Variants in ZYG11B observed in about 807,000 individuals in gnomAD.
ZYG11B encodes protein zyg-11 homolog B.
Under a neutral mutation model 82.4 loss-of-function variants are expected in ZYG11B, and 36 were observed. That is an observed-to-expected ratio of 0.44 (90% confidence interval 0.33 to 0.58). The LOEUF is 0.58. ZYG11B is among the 20% of genes least tolerant of loss of function. The pLI is 0.02. For synonymous variants in ZYG11B, 303 were observed against 312.8 expected (o/e 0.97, Z 0.33); for missense variants, 552 against 895.6 (o/e 0.62, Z 4.90).
rs4287124 is a variant in ZYG11B, at chr1:52,771,523, C to G, written c.700C>G (p.Arg234Gly). ...AACTACCCAGATACTGGATGTAGTT[C>G]GGGAACTCAAACATCTGAATCATCT... ...MTTTQILDVVRELKHLNHLDI... is the reference protein window; with the variant it reads ...MTTTQILDVVGELKHLNHLDI... Residue 234 changes from arginine to glycine, a missense_variant, in exon 3 of 14, where the codon CGG becomes GGG. By Grantham distance (125) the Arg-to-Gly change is moderately radical (BLOSUM62 -2). Transcript: ENST00000294353. This position sits in a 1 kb window ranked among gnomAD's most constrained non-coding sequence, Gnocchi z 5.4. The G allele has an allele frequency of 1.9e-6, 3 of 1,613,780 alleles. No individual in the cohort carries two copies. Among genetic ancestry groups the G allele is most frequent in the Non-Finnish European group, 2.5e-6 (3 of 1,179,968 alleles).
chr1:52,790,792 T>TTTTG (rs1324194119), intron 6 of ZYG11B, among the ~76,000 whole-genome samples: 1 of 147,904 alleles, frequency 6.8e-6, no homozygotes, highest in East Asian at 1.9e-4. Flanking sequence ...TTTTTTTTTT[T>TTTTG]GTAACATGTC....
At chr1:52,732,358 T>C (rs1342771828) in intron 1 of ZYG11B, among the ~76,000 whole-genome samples, 3 of 152,334 alleles carry the variant, frequency 2.0e-5, no homozygotes, top group South Asian at 2.1e-4. Context: ...TCCTTCTTGC[T>C]TAAAAGAAAA....
rs1319095334 is a variant in ZYG11B, at chr1:52,803,209, CACATAT to C, written c.1695+1072_1695+1077del. Among the ~76,000 whole-genome samples, 5 of 74,312 alleles carry C rather than the reference CACATAT, an allele frequency of 6.7e-5. 2 individuals carry two copies. Among genetic ancestry groups the C allele is most frequent in the East Asian group, 1.3e-3 (2 of 1,598 alleles). The allele number at this position is 74,312 out of a possible 152,430, so 48.8% of individuals were successfully genotyped here. A position where few individuals can be genotyped will look rare whatever the true frequency, so the allele number is the denominator to read the frequency against. On this transcript the variant is annotated intron_variant, in intron 10 of 13. Coordinates refer to ENST00000294353, the MANE Select transcript of ZYG11B (RefSeq NM_024646.3). The stretch of plus-strand genomic sequence containing the variant: ...ATATACACATATATATATATACACA[CACATAT>C]ATATATATACACACATATATATATA...
In ZYG11B at chr1:52,771,375, A is replaced by G. The variant is rs776714498; in HGVS notation, c.552A>G (p.Ser184=). The G allele has an allele frequency of 1.1e-5, 18 of 1,614,228 alleles. No homozygotes were observed. The highest frequency in any genetic ancestry group is 4.4e-5 in the South Asian group (4 of 91,086). ...ATGAAGACCTGGCTGAAGTTGCCTC[A>G]TTGCCAAGATTAGAGAGCTTGGATA... ...FYNEDLAEVA[S]LPRLESLDIS... The change falls in exon 3 of 14, where the codon TCA becomes TCG. Residue 184 remains serine, a synonymous_variant. Transcript: ENST00000294353. The surrounding 1 kb of genome is among the most constrained non-coding windows in gnomAD (Gnocchi z 5.4).
chr1:52,788,598 G>A (rs1054940827), intron 5 of ZYG11B, among the ~76,000 whole-genome samples: 2 of 152,132 alleles, frequency 1.3e-5, no homozygotes, highest in Non-Finnish European at 2.9e-5. Flanking sequence ...GTGCACTGTG[G>A]CTTGCCTTTA....
chr1:52,775,074 C>T (rs947479206), intron 3 of ZYG11B, among the ~76,000 whole-genome samples: 4 of 150,806 alleles, frequency 2.7e-5, no homozygotes, highest in Non-Finnish European at 5.9e-5. Flanking sequence ...TCCAGGATAT[C>T]ATACTTGTCT....
chr1:52,814,838 A>AT (rs1291009422), intron 12 of ZYG11B, among the ~76,000 whole-genome samples: 2 of 152,324 alleles, frequency 1.3e-5, no homozygotes, highest in East Asian at 3.9e-4. Flanking sequence ...CTAAAATAAA[A>AT]TGACACATTG....
intron 13 of ZYG11B, among the ~76,000 whole-genome samples, chr1:52,818,639 G>T (rs1023004530): frequency 2.0e-5 from 3 of 152,032 alleles, no homozygotes; most frequent in South Asian, 2.1e-4. Flanking sequence ...GGAGGGGAGA[G>T]AATTTTTTAT....
chr1:52,826,979 A>G lies in ZYG11B; in HGVS notation c.*5350A>G, dbSNP rs41301269. ...AGCATTGTTTTTCCTTAAAAACTTTATACTCTCAGATAATCTGCAACAACA... is the reference window on the plus strand; with the variant it reads ...AGCATTGTTTTTCCTTAAAAACTTTGTACTCTCAGATAATCTGCAACAACA... On this transcript the variant is annotated 3_prime_UTR_variant, in exon 14 of 14. Transcript: ENST00000294353. 6.6e-6 allele frequency: 1 copy of G among 151,876 alleles called. No homozygotes were observed. The highest frequency in any genetic ancestry group is 2.4e-5 in the African/African-American group (1 of 41,148). 9.4% of individuals were successfully genotyped at this position (151,876 alleles called of 1,614,324 possible).
At chr1:52,772,636 G>T in intron 3 of ZYG11B, 1 of 953,880 alleles carries the variant, frequency 1.0e-6, no homozygotes, top group Non-Finnish European at 1.7e-6. Flanking sequence ...TCAGGAGCAC[G>T]CATACGACCC....
intron 6 of ZYG11B, among the ~76,000 whole-genome samples, chr1:52,794,253 C>T (rs533927369): frequency 1.6e-4 from 25 of 152,076 alleles, no homozygotes; most frequent in African/African-American, 4.3e-4. Context: ...GGATTACAGG[C>T]GTGAGCCACT....
intron 8 of ZYG11B, among the ~76,000 whole-genome samples, chr1:52,799,524 C>T (rs963864111): frequency 4.7e-5 from 7 of 149,458 alleles, no homozygotes; most frequent in African/African-American, 1.7e-4. Context: ...AATAGCTGGG[C>T]ACAGTGGCCC....
At chr1:52,787,109 A>G (rs1293897455) in intron 5 of ZYG11B, among the ~76,000 whole-genome samples, 1 of 151,686 alleles carries the variant, frequency 6.6e-6, no homozygotes, top group East Asian at 1.9e-4. Flanking sequence ...AAAAGTGTTC[A>G]CAGTAGCACT....
chr1:52,814,217 C>A (rs561361692), intron 12 of ZYG11B, among the ~76,000 whole-genome samples: 1 of 152,164 alleles, frequency 6.6e-6, no homozygotes, highest in Admixed American at 6.5e-5. Flanking sequence ...GACGAGGTTT[C>A]ACCATGTTGG....
intron 2 of ZYG11B, among the ~76,000 whole-genome samples, chr1:52,765,718 G>T (rs971918018): frequency 6.6e-6 from 1 of 152,016 alleles, no homozygotes; most frequent in Non-Finnish European, 1.5e-5. Flanking sequence ...GCCCAGGCTG[G>T]TCTCAAACTC....
chr1:52,808,332 C>T (rs1250512486), intron 10 of ZYG11B, among the ~76,000 whole-genome samples: 2 of 151,980 alleles, frequency 1.3e-5, no homozygotes, highest in Admixed American at 1.3e-4. Flanking sequence ...CCATTGCACT[C>T]CAGCCTGGGC....
intron 4 of ZYG11B, among the ~76,000 whole-genome samples, chr1:52,781,610 A>G (rs1644857097): frequency 6.6e-6 from 1 of 152,212 alleles, no homozygotes; most frequent in Admixed American, 6.5e-5. Flanking sequence ...AGATAATTCC[A>G]AGGTAATTCT....
intron 10 of ZYG11B, among the ~76,000 whole-genome samples, chr1:52,809,254 T>G (rs1021402145): frequency 5.9e-5 from 9 of 152,224 alleles, no homozygotes; most frequent in Non-Finnish European, 1.0e-4. Context: ...TGTAGAACCA[T>G]CACTACCACT....
At chr1:52,813,999 C>G in intron 12 of ZYG11B, 87 bp downstream of exon 12, 1 of 1,215,728 alleles carries the variant, frequency 8.2e-7, no homozygotes, top group Admixed American at 2.1e-5. Flanking sequence ...CATAATTTTT[C>G]CCTCAGGCAC....
Sources: gnomAD v4.1 joint callset for allele counts (sites outside exome capture counted in the v4.1 genomes callset) on GRCh38, gnomAD v4.1.1 for gene constraint, Gnocchi (gnomAD v3.1) non-coding constraint, MANE v1.5 for transcripts, NCBI Gene and HGNC (gene_info 2026-07-23, HGNC 2026-07-21) for gene names.